The following EBF1 variants were observed in gnomAD, a reference collection of about 807,000 sequenced individuals.
EBF1 encodes the protein transcription factor COE1.
Under a neutral mutation model 68.4 loss-of-function variants are expected in EBF1, and 10 were observed. That is an observed-to-expected ratio of 0.15 (90% CI 0.09 to 0.25). The LOEUF (loss-of-function observed/expected upper bound fraction) is 0.25, where lower values mean the gene tolerates loss of function less well. Among genes scored for constraint, EBF1 ranks in the 10% least tolerant of loss-of-function variants. EBF1 has a pLI of 1.00. For missense variants in EBF1, 509 were observed against 794.4 expected (o/e 0.64, Z 4.32); for synonymous variants, 298 against 299.8 (o/e 0.99, Z 0.06).
At chr5:158,960,075 A>G (rs1404222828) in intron 6 of EBF1, among the ~76,000 whole-genome samples, 2 of 152,178 alleles carry the variant, frequency 1.3e-5, no homozygotes, top group African/African-American at 4.8e-5. Flanking sequence ...CTTTAAATTG[A>G]TAGAGAAGGG....
intron 14 of EBF1, among the ~76,000 whole-genome samples, chr5:158,709,272 G>A (rs1561696047): frequency 1.3e-5 from 2 of 151,306 alleles, no homozygotes; most frequent in Non-Finnish European, 2.9e-5. Flanking sequence ...GAATCTTCAC[G>A]TCTTTTTCAT....
At chr5:159,019,732 A>G (rs1766303335) in intron 6 of EBF1, among the ~76,000 whole-genome samples, 1 of 152,190 alleles carries the variant, frequency 6.6e-6, no homozygotes, top group Non-Finnish European at 1.5e-5. Context: ...GATTTGCATT[A>G]AAACTGGATT....
intron 6 of EBF1, among the ~76,000 whole-genome samples, chr5:158,879,299 T>C (rs1798390547): frequency 6.6e-6 from 1 of 152,326 alleles, no homozygotes; most frequent in Middle Eastern, 3.4e-3. Context: ...GATTCTACCA[T>C]ACACAGTGTT....
At chr5:158,883,246 A>T (rs953886910) in intron 6 of EBF1, among the ~76,000 whole-genome samples, 2 of 152,106 alleles carry the variant, frequency 1.3e-5, no homozygotes, top group African/African-American at 4.8e-5. Flanking sequence ...AATACACATA[A>T]AACATGAATG....
intron 6 of EBF1, among the ~76,000 whole-genome samples, chr5:158,942,452 C>T (rs754657798): frequency 1.3e-5 from 2 of 152,052 alleles, no homozygotes; most frequent in Non-Finnish European, 2.9e-5. Context: ...AGCTGGAACC[C>T]CATAGGAAAA....
chr5:158,771,252 A>G (rs947076013), intron 10 of EBF1, among the ~76,000 whole-genome samples: 4 of 152,074 alleles, frequency 2.6e-5, no homozygotes, highest in Non-Finnish European at 5.9e-5. Context: ...CTCATACTGG[A>G]CCAGGTACTC....
intron 10 of EBF1, among the ~76,000 whole-genome samples, chr5:158,758,257 T>C (rs1428922534): frequency 6.6e-6 from 1 of 152,184 alleles, no homozygotes; most frequent in Non-Finnish European, 1.5e-5. Context: ...AATACAAAGC[T>C]CTGGGCTGAT....
At chr5:159,016,672 C>T (rs984111507) in intron 6 of EBF1, among the ~76,000 whole-genome samples, 1 of 152,172 alleles carries the variant, frequency 6.6e-6, no homozygotes, top group African/African-American at 2.4e-5. Flanking sequence ...GTGTCAGGGT[C>T]ATCATTACTG....
intron 6 of EBF1, among the ~76,000 whole-genome samples, chr5:158,845,101 G>A (rs560862834): frequency 1.6e-4 from 25 of 152,154 alleles, no homozygotes; most frequent in Non-Finnish European, 3.1e-4. Context: ...AGTGCCCGGC[G>A]TAAGACCTAG....
rs114171922 is a variant in EBF1 at position 158,925,097 on chromosome 5, C to G, written c.555-84987G>C. 1.9e-3 allele frequency among the ~76,000 whole-genome samples: 287 copies of G among 152,218 alleles called. 1 individual carries two copies. The highest frequency in any genetic ancestry group is 3.6e-3 in the Non-Finnish European group (246 of 68,014). ...CCTTTGCACATGCTGTTCCCACTGC[C>G]TGAAATAGTTCTCCTCACACCCAAA... On this transcript the variant is annotated intron_variant, in intron 6 of 15. Coordinates refer to ENST00000313708, the MANE Select transcript of EBF1 (RefSeq NM_024007.5).
chr5:159,074,286 C>T (rs568028853), intron 5 of EBF1, among the ~76,000 whole-genome samples: 26 of 152,148 alleles, frequency 1.7e-4, no homozygotes, highest in Non-Finnish European at 3.2e-4. Context: ...AACTGAGATG[C>T]CTTCTAAAGG....
intron 6 of EBF1, among the ~76,000 whole-genome samples, chr5:158,992,917 C>CTT (rs148629320): frequency 7.3e-4 from 53 of 72,832 alleles, no homozygotes; most frequent in East Asian, 2.3e-3. Context: ...CTGTTTCTTT[C>CTT]TTTTTTTTTT....
chr5:158,883,727 G>A (rs1368893659), intron 6 of EBF1, among the ~76,000 whole-genome samples: 1 of 152,156 alleles, frequency 6.6e-6, no homozygotes, highest in African/African-American at 2.4e-5. Flanking sequence ...CAGCTGATAA[G>A]CCACTGAGCC....
intron 11 of EBF1, among the ~76,000 whole-genome samples, chr5:158,714,925 C>T (rs1211274612): frequency 6.6e-6 from 1 of 152,078 alleles, no homozygotes; most frequent in East Asian, 1.9e-4. Context: ...AAAAATATCT[C>T]CCTCTTTTTA....
chr5:159,064,487 A>C (rs1430626726), intron 6 of EBF1, among the ~76,000 whole-genome samples: 1 of 152,180 alleles, frequency 6.6e-6, no homozygotes, highest in Non-Finnish European at 1.5e-5. Flanking sequence ...AAATGGAGTC[A>C]ATTTGTGCAA....
chr5:158,888,348 C>T (rs1389413167), intron 6 of EBF1, among the ~76,000 whole-genome samples: 2 of 152,052 alleles, frequency 1.3e-5, no homozygotes, highest in Non-Finnish European at 2.9e-5. Context: ...AGAAAGAATA[C>T]TGACTATGGC....
intron 9 of EBF1, among the ~76,000 whole-genome samples, chr5:158,786,557 C>T (rs962361331): frequency 2.6e-5 from 4 of 152,090 alleles, no homozygotes; most frequent in Non-Finnish European, 5.9e-5. Context: ...CCAGGGTATT[C>T]CAGAAGGAGA....
intron 6 of EBF1, among the ~76,000 whole-genome samples, chr5:158,924,983 C>T (rs1809342028): frequency 6.6e-6 from 1 of 152,086 alleles, no homozygotes; most frequent in Non-Finnish European, 1.5e-5. Flanking sequence ...TGGCCCCACT[C>T]CTGCCTACTC....
intron 6 of EBF1, among the ~76,000 whole-genome samples, chr5:158,970,523 C>A (rs1181786399): frequency 6.6e-6 from 1 of 152,176 alleles, no homozygotes; most frequent in Non-Finnish European, 1.5e-5. Flanking sequence ...ATTAATTATT[C>A]TCATTATATT....
Sources: allele counts gnomAD v4.1 joint callset (sites outside exome capture counted in the v4.1 genomes callset), GRCh38; gene constraint gnomAD v4.1.1; transcripts MANE v1.5; gene names NCBI Gene and HGNC (gene_info 2026-07-23, HGNC 2026-07-21).